The following ADAMTS17 variants were observed in gnomAD, a reference collection of about 807,000 sequenced individuals.
ADAMTS17 encodes the protein A disintegrin and metalloproteinase with thrombospondin motifs 17.
Under a neutral mutation model 141.5 loss-of-function variants are expected in ADAMTS17, and 113 were observed. The observed-to-expected ratio is 0.80, with a 90% CI of 0.69 to 0.93. The LOEUF (loss-of-function observed/expected upper bound fraction) is 0.93. ADAMTS17 is among the 40% of genes least tolerant of loss of function. The pLI is 0.00. For missense variants in ADAMTS17, 1,659 were observed against 1,517.9 expected (o/e 1.09, Z -1.54); for synonymous variants, 768 against 630.6 (o/e 1.22, Z -3.27).
At chr15:100,150,553 G>A (rs2039112701) in intron 10 of ADAMTS17, among the ~76,000 whole-genome samples, 1 of 152,196 alleles carries the variant, frequency 6.6e-6, no homozygotes, top group African/African-American at 2.4e-5. Context: ...GGGAGACTGT[G>A]AGTCCCCAGT....
chr15:99,995,163 C>A (rs1475850301), intron 19 of ADAMTS17, among the ~76,000 whole-genome samples: 1 of 152,192 alleles, frequency 6.6e-6, no homozygotes, highest in Non-Finnish European at 1.5e-5. Flanking sequence ...CAGGGCTACC[C>A]CTTGCTTCTC....
At chr15:100,046,293 C>A (rs1385117902) in intron 18 of ADAMTS17, among the ~76,000 whole-genome samples, 1 of 152,108 alleles carries the variant, frequency 6.6e-6, no homozygotes, top group East Asian at 1.9e-4. Flanking sequence ...GAAGCAGAAT[C>A]CTTTATTTTA....
chr15:100,149,078 A>AG (rs1379681241), intron 10 of ADAMTS17, among the ~76,000 whole-genome samples: 14 of 152,238 alleles, frequency 9.2e-5, no homozygotes, highest in Admixed American at 7.9e-4. Flanking sequence ...GGAAGAATTG[A>AG]GGGATAACAG....
At chr15:100,285,660 A>G (rs186338606) in intron 3 of ADAMTS17, among the ~76,000 whole-genome samples, 1 of 152,342 alleles carries the variant, frequency 6.6e-6, no homozygotes, top group Non-Finnish European at 1.5e-5. Flanking sequence ...CTCCTGCCAC[A>G]GACTTCTGAA....
Position 100,124,950 on chromosome 15 carries a change from T to G in ADAMTS17, c.1721+7057A>C, listed in dbSNP as rs534787042. ...TATGGCAGAACATCTGCCCCTTTCT[T>G]TGAGAGTGGATGGACAGGTAGAATC... On this transcript the variant is annotated intron_variant, in intron 12 of 21. Coordinates refer to ENST00000268070, the MANE Select transcript of ADAMTS17 (RefSeq NM_139057.4). 8.8e-3 allele frequency among the ~76,000 whole-genome samples: 1,340 copies of G among 152,196 alleles called. 20 individuals are homozygous for G. The highest frequency in any genetic ancestry group is 0.03 in the African/African-American group (1,263 of 41,520).
At chr15:100,083,518 C>T (rs138785541) in intron 15 of ADAMTS17, among the ~76,000 whole-genome samples, 20 of 152,172 alleles carry the variant, frequency 1.3e-4, no homozygotes, top group African/African-American at 4.8e-4. Context: ...TGAAAACAAC[C>T]ACATGTTCAA....
At chr15:100,306,458 C>A in intron 3 of ADAMTS17, 2 of 455,996 alleles carry the variant, frequency 4.4e-6, no homozygotes, top group South Asian at 3.1e-5. Flanking sequence ...AGACGCTCCA[C>A]GTTGTTGTCC....
chr15:100,124,020 G>A (rs1043555426), intron 12 of ADAMTS17, among the ~76,000 whole-genome samples: 2 of 151,754 alleles, frequency 1.3e-5, no homozygotes, highest in Non-Finnish European at 2.9e-5. Flanking sequence ...CTGGAGTGCA[G>A]TGGTAAGATC....
chr15:100,176,107 A>G (rs2040329936), intron 8 of ADAMTS17, among the ~76,000 whole-genome samples: 1 of 152,170 alleles, frequency 6.6e-6, no homozygotes, highest in Admixed American at 6.5e-5. Context: ...CTGCATTTCT[A>G]TGCTTTCAGA....
intron 18 of ADAMTS17, among the ~76,000 whole-genome samples, chr15:100,001,955 G>A (rs1738024001): frequency 1.2e-5 from 1 of 85,134 alleles, no homozygotes; most frequent in South Asian, 3.7e-4. Context: ...CCAGCCTTGG[G>A]GACAGAGCGA....
chr15:99,978,967 G>C (rs1277818501), intron 20 of ADAMTS17: 2 of 152,262 alleles, frequency 1.3e-5, no homozygotes, highest in Admixed American at 1.3e-4. Flanking sequence ...CTGTTAAGGA[G>C]TAGTTGTGTC....
At chr15:100,222,922 C>T (rs2042179496) in intron 7 of ADAMTS17, among the ~76,000 whole-genome samples, 3 of 152,220 alleles carry the variant, frequency 2.0e-5, no homozygotes, top group Admixed American at 2.0e-4. Context: ...AACATGGACA[C>T]ACTTTGCTGG....
chr15:100,029,668 G>C (rs749036117), intron 18 of ADAMTS17, among the ~76,000 whole-genome samples: 7 of 152,192 alleles, frequency 4.6e-5, no homozygotes, highest in Non-Finnish European at 1.0e-4. Context: ...CAGGAGATGA[G>C]GTAACCGACT....
chr15:100,033,665 A>C (rs899950), intron 18 of ADAMTS17, among the ~76,000 whole-genome samples: 20,444 of 152,184 alleles, frequency 0.13, 3,764 homozygotes, highest in African/African-American at 0.42. Flanking sequence ...AAAGACTGAT[A>C]AGACTTTGCA....
At chr15:100,335,917 G>A (rs1213243501) in intron 2 of ADAMTS17, among the ~76,000 whole-genome samples, 1 of 152,234 alleles carries the variant, frequency 6.6e-6, no homozygotes, top group Admixed American at 6.5e-5. Context: ...GCACAGAAGC[G>A]GGTCCAGGGA....
Position 99,972,053 on chromosome 15 carries a change from CA to C in ADAMTS17, c.*2348del, listed in dbSNP as rs2060218398. On this transcript the variant is annotated 3_prime_UTR_variant, in exon 22 of 22. Transcript: ENST00000268070. ...GATCATGAGGTCAGGAGATCGAGAC[CA>C]TCCTGGCTAACATGGTGAAACCCCG... 1.3e-5 allele frequency: 2 copies of C among 152,228 alleles called. No homozygotes were observed. The highest frequency in any genetic ancestry group is 4.8e-5 in the African/African-American group (2 of 41,410). 9.4% of individuals were successfully genotyped at this position (152,228 alleles called of 1,614,324 possible).
intron 7 of ADAMTS17, among the ~76,000 whole-genome samples, chr15:100,244,171 G>A (rs1964484256): frequency 2.0e-5 from 3 of 151,894 alleles, no homozygotes; most frequent in Non-Finnish European, 4.4e-5. Context: ...CAGATCTCAT[G>A]AGACTTATTC....
At chr15:100,016,269 G>C (rs950604695) in intron 18 of ADAMTS17, among the ~76,000 whole-genome samples, 1 of 152,036 alleles carries the variant, frequency 6.6e-6, no homozygotes, top group African/African-American at 2.4e-5. Flanking sequence ...TTCACTTCTT[G>C]TATCGTTTTT....
At chr15:100,074,770 T>C (rs993424166) in intron 15 of ADAMTS17, among the ~76,000 whole-genome samples, 1 of 152,184 alleles carries the variant, frequency 6.6e-6, no homozygotes, top group Non-Finnish European at 1.5e-5. Context: ...ATAACTTATC[T>C]GTGTTGATTT....
Sources: allele counts gnomAD v4.1 joint callset (sites outside exome capture counted in the v4.1 genomes callset), GRCh38; gene constraint gnomAD v4.1.1; transcripts MANE v1.5; gene names NCBI Gene and HGNC (gene_info 2026-07-23, HGNC 2026-07-21).